LRRTM4: variants seen among roughly 807,000 people sequenced by gnomAD.
LRRTM4 encodes leucine-rich repeat transmembrane neuronal protein 4.
Under a neutral mutation model 47.6 loss-of-function variants are expected in LRRTM4, and 25 were observed. The ratio of observed to expected loss-of-function variants is 0.53; its 90% confidence interval spans 0.38 to 0.73. LRRTM4 has a LOEUF of 0.73. Among genes scored for constraint, LRRTM4 ranks in the 30% least tolerant of loss-of-function variants. LRRTM4 has a pLI of 0.00. For missense variants in LRRTM4, 638 were observed against 713.4 expected, an observed-to-expected ratio of 0.89 and a Z score of 1.20; for synonymous variants, 311 against 269.5, an observed-to-expected ratio of 1.15 and a Z score of -1.51.
chr2:76,841,409 A>G (rs1480777863), intron 3 of LRRTM4, among the ~76,000 whole-genome samples: 1 of 152,084 alleles, frequency 6.6e-6, no homozygotes, highest in Admixed American at 6.6e-5. Flanking sequence ...CATGTACCCT[A>G]AAACTTAAAG....
At position 77,080,045 on chromosome 2, in the gene LRRTM4, A is replaced by T. The variant is rs186140076; in HGVS notation, c.1552-331129T>A. ...TTTTATTTTCATTCTCTCTAAATTT[A>T]TTCTCATTTGGATTTTATCTCAACA... On this transcript the variant is annotated intron_variant, in intron 3 of 3. Coordinates refer to ENST00000409884, the MANE Select transcript of LRRTM4 (RefSeq NM_001134745.3). 9.1e-4 allele frequency among the ~76,000 whole-genome samples: 139 copies of T among 152,160 alleles called. No individual in the cohort carries two copies. In the East Asian group the frequency reaches 0.021, roughly 23 times the overall value.
chr2:77,201,252 A>G (rs892210943), intron 3 of LRRTM4, among the ~76,000 whole-genome samples: 9 of 152,160 alleles, frequency 5.9e-5, no homozygotes, highest in African/African-American at 2.2e-4. Flanking sequence ...CAGTAAGAGG[A>G]GACTGCAAAG....
At chr2:76,781,449 C>G (rs1467578592) in intron 3 of LRRTM4, among the ~76,000 whole-genome samples, 1 of 152,248 alleles carries the variant, frequency 6.6e-6, no homozygotes, top group Admixed American at 6.5e-5. Flanking sequence ...GGCATATAAT[C>G]TTGTGGTGGG....
intron 3 of LRRTM4, among the ~76,000 whole-genome samples, chr2:77,069,138 T>A (rs1437770330): frequency 6.6e-6 from 1 of 152,208 alleles, no homozygotes; most frequent in Non-Finnish European, 1.5e-5. Flanking sequence ...CTGAAGGCTG[T>A]GAGACCCCTG....
At chr2:77,222,794 A>T (rs1674677874) in intron 3 of LRRTM4, among the ~76,000 whole-genome samples, 1 of 152,204 alleles carries the variant, frequency 6.6e-6, no homozygotes. Flanking sequence ...AGGAGCTGGT[A>T]CTATTCCTTC....
chr2:77,187,712 C>A (rs1447645266), intron 3 of LRRTM4, among the ~76,000 whole-genome samples: 1 of 151,908 alleles, frequency 6.6e-6, no homozygotes, highest in Admixed American at 6.6e-5. Context: ...TTTTATGTTT[C>A]AAAATTTCTC....
At chr2:77,053,029 A>G (rs1235990341) in intron 3 of LRRTM4, among the ~76,000 whole-genome samples, 1 of 152,176 alleles carries the variant, frequency 6.6e-6, no homozygotes, top group Non-Finnish European at 1.5e-5. Context: ...TTACTAACAT[A>G]GTTCGGGTAA....
At chr2:77,472,450 T>A (rs1677226959) in intron 3 of LRRTM4, among the ~76,000 whole-genome samples, 1 of 152,036 alleles carries the variant, frequency 6.6e-6, no homozygotes, top group South Asian at 2.1e-4. Context: ...GGATAGGATG[T>A]GCTAATTCAG....
chr2:76,968,364 A>G lies in LRRTM4; in HGVS notation c.1552-219448T>C, dbSNP rs1463693732. Among the ~76,000 whole-genome samples, 18 of 133,592 alleles carry G rather than the reference A, an allele frequency of 1.3e-4. 1 individual carries two copies. Among genetic ancestry groups the G allele is most frequent in the Admixed American group, 1.2e-3 (16 of 13,174 alleles). 87.6% of individuals were successfully genotyped at this position (133,592 alleles called of 152,430 possible). On this transcript the variant is annotated intron_variant, in intron 3 of 3. Transcript: ENST00000409884. ...TGTATATATATATATATATATATAT[A>G]TATATATATATATATATATACACAT...
intron 3 of LRRTM4, among the ~76,000 whole-genome samples, chr2:77,318,252 A>C (rs1677676794): frequency 1.3e-5 from 2 of 152,126 alleles, no homozygotes; most frequent in South Asian, 2.1e-4. Flanking sequence ...GTGATCCACC[A>C]GCCTTGGCCT....
intron 3 of LRRTM4, among the ~76,000 whole-genome samples, chr2:76,951,215 G>A (rs550698967): frequency 4.1e-4 from 63 of 152,102 alleles, no homozygotes; most frequent in African/African-American, 1.3e-3. Flanking sequence ...GAAGTGATTA[G>A]CAGTGTAAAA....
chr2:76,871,172 T>G (rs569904441), intron 3 of LRRTM4, among the ~76,000 whole-genome samples: 1 of 152,248 alleles, frequency 6.6e-6, no homozygotes, highest in African/African-American at 2.4e-5. Flanking sequence ...TCCATACATA[T>G]AGAGATGCTA....
At chr2:77,123,596 GA>G (rs1671575236) in intron 3 of LRRTM4, among the ~76,000 whole-genome samples, 1 of 151,852 alleles carries the variant, frequency 6.6e-6, no homozygotes, top group Admixed American at 6.6e-5. Context: ...GAGAAAGAAG[GA>G]AAAAAATCGC....
intron 3 of LRRTM4, among the ~76,000 whole-genome samples, chr2:77,223,654 G>T (rs1184493011): frequency 6.6e-6 from 1 of 152,130 alleles, no homozygotes; most frequent in Admixed American, 6.5e-5. Context: ...ACTTACAAGG[G>T]ATGTGAAGAA....
chr2:77,241,366 T>C (rs1254750901), intron 3 of LRRTM4, among the ~76,000 whole-genome samples: 1 of 152,058 alleles, frequency 6.6e-6, no homozygotes, highest in African/African-American at 2.4e-5. Context: ...GATATCCGTG[T>C]GCAAAATATC....
rs1237647842 is a variant in LRRTM4 at position 77,096,629 on chromosome 2, T to A, written c.1552-347713A>T. Among the ~76,000 whole-genome samples the A allele has an allele frequency of 4.0e-5, 6 of 151,686 alleles. No homozygotes were observed. In the East Asian group the frequency reaches 1.2e-3, roughly 29 times the overall value. ...GTGATAAAATCTAGAATACTGTACATTTTCTGAATTGATTTGAGAATATAG... is the reference window on the plus strand; with the variant it reads ...GTGATAAAATCTAGAATACTGTACAATTTCTGAATTGATTTGAGAATATAG... On this transcript the variant is annotated intron_variant, in intron 3 of 3. Coordinates refer to ENST00000409884, the MANE Select transcript of LRRTM4 (RefSeq NM_001134745.3).
chr2:77,454,032 C>T (rs1424408422), intron 3 of LRRTM4, among the ~76,000 whole-genome samples: 1 of 152,122 alleles, frequency 6.6e-6, no homozygotes, highest in Non-Finnish European at 1.5e-5. Context: ...CACCTGTCAC[C>T]TTACTATCTC....
At chr2:76,903,795 T>G (rs1006395190) in intron 3 of LRRTM4, among the ~76,000 whole-genome samples, 1 of 152,190 alleles carries the variant, frequency 6.6e-6, no homozygotes, top group African/African-American at 2.4e-5. Context: ...TAGATCCAGT[T>G]ACTAATAAGC....
intron 3 of LRRTM4, among the ~76,000 whole-genome samples, chr2:77,285,818 C>T (rs938389217): frequency 6.6e-6 from 1 of 151,832 alleles, no homozygotes; most frequent in Admixed American, 6.6e-5. Flanking sequence ...TATTCTATAC[C>T]TTCCAAATTT....
Sources: gnomAD v4.1 joint callset for allele counts (sites outside exome capture counted in the v4.1 genomes callset) on GRCh38, gnomAD v4.1.1 for gene constraint, MANE v1.5 for transcripts, NCBI Gene and HGNC (gene_info 2026-07-23, HGNC 2026-07-21) for gene names.